Variants in KCNU1 observed in about 807,000 individuals in gnomAD.
The protein encoded by KCNU1 is potassium calcium-activated channel subfamily U member 1.
Under a neutral mutation model 126.8 loss-of-function variants are expected in KCNU1, and 93 were observed. The observed-to-expected ratio is 0.73, with a 90% CI of 0.62 to 0.87. KCNU1 has a LOEUF of 0.87. Among genes scored for constraint, KCNU1 ranks in the 40% least tolerant of loss-of-function variants. The probability of loss-of-function intolerance (pLI) is 0.00; values close to 1 mark genes in which losing one functional copy is unlikely to be tolerated. For missense variants in KCNU1, 1,330 were observed against 1,367.1 expected (o/e 0.97, Z 0.43); for synonymous variants, 523 against 494.2 (o/e 1.06, Z -0.77).
rs189408170 is a variant in KCNU1 at position 36,918,082 on chromosome 8, C to T, written c.2522-741C>T. ...GCACCACCCATATATTTGCAGTTTC[C>T]GAAAAATACTACAGGCAAATTGATG... On this transcript the variant is annotated intron_variant, in intron 22 of 26. Coordinates refer to ENST00000399881, the MANE Select transcript of KCNU1 (RefSeq NM_001031836.3). 1.6e-4 allele frequency among the ~76,000 whole-genome samples: 24 copies of T among 152,196 alleles called. No homozygotes were observed. In the East Asian group the frequency reaches 4.2e-3, roughly 27 times the overall value.
chr8:36,792,172 C>G (rs989127936), intron 2 of KCNU1, among the ~76,000 whole-genome samples: 3 of 152,160 alleles, frequency 2.0e-5, no homozygotes, highest in Admixed American at 2.0e-4. Flanking sequence ...TTACCCCTAT[C>G]CCCAGAAGCA....
intron 22 of KCNU1, among the ~76,000 whole-genome samples, chr8:36,911,955 C>T (rs1807890621): frequency 6.6e-6 from 1 of 151,712 alleles, no homozygotes; most frequent in Non-Finnish European, 1.5e-5. Context: ...ACTACCATCC[C>T]CTCAATCTAA....
At chr8:36,787,532 G>T in intron 2 of KCNU1, 107 bp downstream of exon 2, 1 of 1,115,318 alleles carries the variant, frequency 9.0e-7, no homozygotes, top group East Asian at 2.9e-5. Context: ...CGTTCCTTTG[G>T]TCGTCTTATC....
chr8:36,931,644 A>T (rs1035519806), intron 25 of KCNU1, among the ~76,000 whole-genome samples: 1 of 152,102 alleles, frequency 6.6e-6, no homozygotes, highest in Non-Finnish European at 1.5e-5. Flanking sequence ...CACATTGTCA[A>T]TCAGTGTCAG....
Position 36,909,429 on chromosome 8 carries a change from A to G in KCNU1, c.2225A>G (p.Asn742Ser), listed in dbSNP as rs1488889628. The change falls in exon 21 of 27, where the codon AAC becomes AGC. Residue 742 changes from asparagine to serine, a missense_variant. Physicochemically the swap from Asn to Ser is conservative, Grantham distance 46. This residue lies in a region of KCNU1 where 1,054 missense variants were observed against 1,053.9 expected (regional missense o/e 1.00). Coordinates refer to ENST00000399881, the MANE Select transcript of KCNU1 (RefSeq NM_001031836.3). ...TTTGTAATGCCCTTGAGAGCCAGCA[A>G]CTATACCAGGAAGGAGCTGAAGGAC... ...RNFVMPLRAS[N>S]YTRKELKDIV... 2.1e-5 allele frequency: 34 copies of G among 1,613,118 alleles called. No homozygotes were observed. The highest frequency in any genetic ancestry group is 2.6e-5 in the Non-Finnish European group (31 of 1,179,198).
chr8:36,848,197 C>T (rs1392012200), intron 18 of KCNU1, among the ~76,000 whole-genome samples: 1 of 152,034 alleles, frequency 6.6e-6, no homozygotes, highest in Non-Finnish European at 1.5e-5. Flanking sequence ...GGATATTAGT[C>T]GCATGTCAGA....
intron 20 of KCNU1, among the ~76,000 whole-genome samples, chr8:36,907,544 G>A (rs1167869846): frequency 1.3e-5 from 2 of 152,146 alleles, no homozygotes; most frequent in Non-Finnish European, 2.9e-5. Context: ...TATCACTCTA[G>A]GAAGGCTCTC....
intron 6 of KCNU1, 115 bp downstream of exon 6, chr8:36,807,565 T>A (rs1398726453): frequency 1.3e-6 from 1 of 790,398 alleles, no homozygotes; most frequent in South Asian, 1.5e-5. Flanking sequence ...GCAAAGATCA[T>A]GAAATCTCTC....
At chr8:36,928,849 C>A in intron 24 of KCNU1, 2 of 578,304 alleles carry the variant, frequency 3.5e-6, no homozygotes, top group Non-Finnish European at 6.1e-6. Context: ...GTGTCAGAAC[C>A]ACTCAGAGTG....
chr8:36,814,023 T>C (rs182396027), intron 7 of KCNU1, among the ~76,000 whole-genome samples, 184 bp from the exon 8 acceptor site: 18 of 152,310 alleles, frequency 1.2e-4, no homozygotes, highest in Admixed American at 8.5e-4. Flanking sequence ...ACCAAGACTT[T>C]ACACTCACTA....
intron 19 of KCNU1, among the ~76,000 whole-genome samples, chr8:36,866,448 C>T (rs1227527205): frequency 6.6e-6 from 1 of 152,092 alleles, no homozygotes; most frequent in Non-Finnish European, 1.5e-5. Context: ...TTGTGCCCTT[C>T]CTGCCTTCCA....
chr8:36,910,290 G>A (rs1298800453), intron 21 of KCNU1, among the ~76,000 whole-genome samples: 1 of 152,148 alleles, frequency 6.6e-6, no homozygotes, highest in African/African-American at 2.4e-5. Flanking sequence ...ATTATCTCAA[G>A]AAGCAAATTG....
Position 36,787,432 on chromosome 8 carries a change from A to C in KCNU1, c.315+7A>C, listed in dbSNP as rs746665269. 2 of 1,602,642 alleles carry C rather than the reference A, an allele frequency of 1.2e-6. No individual in the cohort carries two copies. The highest frequency in any genetic ancestry group is 2.7e-5 in the African/African-American group (2 of 74,752). ...CTTTGTGGGGCAAGTGTTGGTAAGTACATTTTCAGTGTTAGCTTGCTAACA... is the reference window on the plus strand; with the variant it reads ...CTTTGTGGGGCAAGTGTTGGTAAGTCCATTTTCAGTGTTAGCTTGCTAACA... On this transcript the variant is annotated splice_region_variant and intron_variant, in intron 2 of 26. Coordinates refer to ENST00000399881, the MANE Select transcript of KCNU1 (RefSeq NM_001031836.3).
At chr8:36,859,718 G>A (rs1805659566) in intron 18 of KCNU1, among the ~76,000 whole-genome samples, 1 of 152,176 alleles carries the variant, frequency 6.6e-6, no homozygotes. Flanking sequence ...AACATAGAGT[G>A]CTGGTTAAGA....
chr8:36,827,526 A>T (rs1326663001), intron 10 of KCNU1, among the ~76,000 whole-genome samples: 1 of 152,172 alleles, frequency 6.6e-6, no homozygotes, highest in Non-Finnish European at 1.5e-5. Flanking sequence ...TTTTGGCCTG[A>T]TAACTCTTCA....
intron 19 of KCNU1, among the ~76,000 whole-genome samples, chr8:36,877,855 T>A (rs546044667): frequency 6.6e-6 from 1 of 152,268 alleles, no homozygotes; most frequent in South Asian, 2.1e-4. Context: ...CTCCTATCTC[T>A]CAAAAGCCCT....
chr8:36,796,465 T>C (rs750361928), intron 2 of KCNU1, among the ~76,000 whole-genome samples: 20 of 152,246 alleles, frequency 1.3e-4, no homozygotes, highest in Admixed American at 2.0e-4. Flanking sequence ...GCTTCATTTA[T>C]AATTTTTTAG....
rs1262444496 is a variant in KCNU1, at chr8:36,930,854, T to C, written c.2737-97T>C. On this transcript the variant is annotated intron_variant, in intron 24 of 26. Transcript: ENST00000399881. ...CTGTTCTACACCATCAGGTCCATGT[T>C]AAACAGCAATGCCCACTAAATCTCC... is the stretch of plus-strand genomic sequence containing the variant. The C allele has an allele frequency of 4.0e-6, 3 of 752,954 alleles. No individual in the cohort carries two copies. The East Asian group carries it at 8.4e-5, about 21-fold the overall frequency. 46.6% of individuals were successfully genotyped at this position (752,954 alleles called of 1,614,324 possible). A position where few individuals can be genotyped will look rare whatever the true frequency, so the allele number is the denominator to read the frequency against.
At chr8:36,926,961 A>G (rs1808553859) in intron 24 of KCNU1, among the ~76,000 whole-genome samples, 1 of 152,128 alleles carries the variant, frequency 6.6e-6, no homozygotes, top group South Asian at 2.1e-4. Context: ...CATTACTTCA[A>G]TCCCAGTGAA....
Sources: gnomAD v4.1 joint callset for allele counts (sites outside exome capture counted in the v4.1 genomes callset) on GRCh38, gnomAD v4.1.1 for gene constraint, gnomAD v4.1.1 regional missense constraint, MANE v1.5 for transcripts, NCBI Gene and HGNC (gene_info 2026-07-23, HGNC 2026-07-21) for gene names.